DYNC2H1: variants seen among roughly 807,000 people sequenced by gnomAD.
DYNC2H1 encodes the protein cytoplasmic dynein 2 heavy chain 1.
A neutral mutation model predicts 570.0 loss-of-function variants in DYNC2H1; 410 were observed. The observed-to-expected ratio is 0.72, with a 90% CI of 0.66 to 0.78. The LOEUF is 0.78. DYNC2H1 is among the 30% of genes least tolerant of loss of function. The pLI, the probability that DYNC2H1 is intolerant of heterozygous loss-of-function variation, is 0.00. For missense variants in DYNC2H1, 4,865 were observed against 5,046.4 expected, an observed-to-expected ratio of 0.96 and a Z score of 1.09; for synonymous variants, 1,688 against 1,677.6, an observed-to-expected ratio of 1.01 and a Z score of -0.15.
chr11:103,403,705 G>A (rs1000957411), intron 84 of DYNC2H1: 1 of 151,926 alleles, frequency 6.6e-6, no homozygotes, highest in Non-Finnish European at 1.5e-5. Context: ...GGACGTCTTC[G>A]GATGAGACTA....
In DYNC2H1 at chr11:103,228,359, T is replaced by A. The variant is rs1393888429; in HGVS notation, c.9354-2901T>A. ...TGGGATTCAAGTGCAGCTGATCAGA[T>A]TCTTTTGTCTCATGGGGCGCTCCCT... is the stretch of plus-strand genomic sequence containing the variant. On this transcript the variant is annotated intron_variant, in intron 59 of 88. Coordinates refer to ENST00000375735, the MANE Select transcript of DYNC2H1 (RefSeq NM_001377.3). The surrounding 1 kb of genome is among the most constrained non-coding windows in gnomAD (Gnocchi z 6.1). Among the ~76,000 whole-genome samples, 1 of 152,188 alleles carries A rather than the reference T, an allele frequency of 6.6e-6. No individual in the cohort carries two copies. The highest frequency in any genetic ancestry group is 1.5e-5 in the Non-Finnish European group (1 of 68,020).
At chr11:103,413,944 C>T (rs890676450) in intron 84 of DYNC2H1, among the ~76,000 whole-genome samples, 1 of 152,052 alleles carries the variant, frequency 6.6e-6, no homozygotes, top group Non-Finnish European at 1.5e-5. Flanking sequence ...TGTCCTTTTT[C>T]ATTCATTTAG....
chr11:103,170,360 T>G lies in DYNC2H1; in HGVS notation c.5151+70T>G. 7.5e-7 allele frequency: 1 copy of G among 1,335,870 alleles called. No homozygotes were observed. Among genetic ancestry groups the G allele is most frequent in the African/African-American group, 1.5e-5 (1 of 66,386 alleles). 82.8% of individuals were successfully genotyped at this position (1,335,870 alleles called of 1,614,324 possible). A position where few individuals can be genotyped will look rare whatever the true frequency, so the allele number is the denominator to read the frequency against. On this transcript the variant is annotated intron_variant, in intron 33 of 88. Coordinates refer to ENST00000375735, the MANE Select transcript of DYNC2H1 (RefSeq NM_001377.3). This position sits in a 1 kb window ranked among gnomAD's most constrained non-coding sequence, Gnocchi z 4.8. ...ATTTAGATTAGTTTCTATTAGTATA[T>G]GAAATACTCTACTTAAAAATCACTA... is the stretch of plus-strand genomic sequence containing the variant.
chr11:103,248,160 T>C (rs1434684102), intron 65 of DYNC2H1, among the ~76,000 whole-genome samples: 3 of 152,064 alleles, frequency 2.0e-5, no homozygotes, highest in Non-Finnish European at 4.4e-5. Flanking sequence ...GGATATCTCC[T>C]TGTGAAATGT....
intron 84 of DYNC2H1, among the ~76,000 whole-genome samples, chr11:103,423,408 T>TAAAAAAAAAAA (rs60223334): frequency 8.3e-6 from 1 of 120,426 alleles, no homozygotes; most frequent in Non-Finnish European, 1.9e-5. Flanking sequence ...GCCAAAAAAG[T>TAAAAAAAAAAA]AAAAAAAAAA....
rs777515420 is a variant in DYNC2H1, at chr11:103,186,192, TCA to T, written c.6634-44_6634-43del. 10 of 1,538,386 alleles carry T rather than the reference TCA, an allele frequency of 6.5e-6. No individual in the cohort carries two copies. The Admixed American group carries it at 1.2e-4, about 18-fold the overall frequency. On this transcript the variant is annotated intron_variant, in intron 41 of 88. Transcript: ENST00000375735. The surrounding 1 kb of genome is among the most constrained non-coding windows in gnomAD (Gnocchi z 4.5). ...ATTTACTTGGAAGAATTTTAAAATG[TCA>T]CACACTCTGGAGTATGTGAAAACTT...
chr11:103,211,124 G>A (rs1268763519), intron 53 of DYNC2H1, among the ~76,000 whole-genome samples: 1 of 152,000 alleles, frequency 6.6e-6, no homozygotes, highest in Non-Finnish European at 1.5e-5. Context: ...AATGGACTTG[G>A]TGGATATTAG....
intron 87 of DYNC2H1, among the ~76,000 whole-genome samples, chr11:103,456,746 T>C (rs1230804750): frequency 1.3e-5 from 2 of 152,178 alleles, no homozygotes; most frequent in African/African-American, 2.4e-5. Context: ...CTGAACCTTT[T>C]TGATTGCCAA....
At chr11:103,230,343 C>T (rs1315773667) in intron 59 of DYNC2H1, among the ~76,000 whole-genome samples, 1 of 152,134 alleles carries the variant, frequency 6.6e-6, no homozygotes, top group East Asian at 1.9e-4. Context: ...GTAAGGCGAT[C>T]AAATATGGAC....
intron 83 of DYNC2H1, among the ~76,000 whole-genome samples, chr11:103,373,734 G>GT (rs901402026): frequency 9.2e-5 from 14 of 152,166 alleles, no homozygotes; most frequent in African/African-American, 3.1e-4. Flanking sequence ...TAGTCCAATG[G>GT]TTTTTTATTT....
chr11:103,116,072 C>T (rs1205487774), intron 4 of DYNC2H1, among the ~76,000 whole-genome samples: 1 of 152,058 alleles, frequency 6.6e-6, no homozygotes, highest in Non-Finnish European at 1.5e-5. Flanking sequence ...TAATTTTCTA[C>T]TCATTTCCAC....
rs562766410 is a variant in DYNC2H1, at chr11:103,311,769, G to A, written c.11494-109G>A. ...TAACATAATAATTTAACTCAAACCCGGTAAGCAGTGAAAAATTTTCTTTAA... is the reference window on the plus strand; with the variant it reads ...TAACATAATAATTTAACTCAAACCCAGTAAGCAGTGAAAAATTTTCTTTAA... On this transcript the variant is annotated intron_variant, in intron 78 of 88. Coordinates refer to ENST00000375735, the MANE Select transcript of DYNC2H1 (RefSeq NM_001377.3). 6 of 1,058,312 alleles carry A rather than the reference G, an allele frequency of 5.7e-6. No individual in the cohort carries two copies. The African/African-American group carries it at 6.6e-5, about 12-fold the overall frequency. The allele number at this position is 1,058,312 out of a possible 1,614,324, so 65.6% of individuals were successfully genotyped here.
Position 103,133,406 on chromosome 11 carries a change from T to A in DYNC2H1, c.1954-149T>A. 1 of 612,280 alleles carries A rather than the reference T, an allele frequency of 1.6e-6. No homozygotes were observed. The highest frequency in any genetic ancestry group is 2.7e-5 in the South Asian group (1 of 36,786). 37.9% of individuals were successfully genotyped at this position (612,280 alleles called of 1,614,324 possible). On this transcript the variant is annotated intron_variant, in intron 13 of 88. Coordinates refer to ENST00000375735, the MANE Select transcript of DYNC2H1 (RefSeq NM_001377.3). This position sits in a 1 kb window ranked among gnomAD's most constrained non-coding sequence, Gnocchi z 4.8. The stretch of plus-strand genomic sequence containing the variant: ...ATGGGCTACTCAATCTTTGCCAGAC[T>A]GCCTTATCATTTATAAAATGGAAAA...
intron 84 of DYNC2H1, among the ~76,000 whole-genome samples, chr11:103,430,949 C>T (rs982761100): frequency 2.6e-5 from 4 of 152,060 alleles, no homozygotes; most frequent in Non-Finnish European, 4.4e-5. Context: ...TTGTTGATTT[C>T]CCTTTCTATC....
chr11:103,155,145 G>T (rs1007078604), intron 24 of DYNC2H1, among the ~76,000 whole-genome samples, 186 bp from the exon 25 acceptor site: 1 of 151,734 alleles, frequency 6.6e-6, no homozygotes, highest in African/African-American at 2.4e-5. Flanking sequence ...GTGTGTCCAT[G>T]GCAACATTTA....
rs374238706 is a variant in DYNC2H1 at position 103,283,102 on chromosome 11, A to T, written c.10890+17A>T. ...ACATTAAAGGTATTCCTTTTCTACTATGAGACATGTTTTAATTTCTTCTGT... is the reference window on the plus strand; with the variant it reads ...ACATTAAAGGTATTCCTTTTCTACTTTGAGACATGTTTTAATTTCTTCTGT... On this transcript the variant is annotated intron_variant, in intron 73 of 88. Coordinates refer to ENST00000375735, the MANE Select transcript of DYNC2H1 (RefSeq NM_001377.3). 48 of 1,583,684 alleles carry T rather than the reference A, an allele frequency of 3.0e-5. No homozygotes were observed. Among genetic ancestry groups the T allele is most frequent in the Non-Finnish European group, 4.0e-5 (46 of 1,157,334 alleles).
At chr11:103,455,811 C>A (rs1324100827) in intron 86 of DYNC2H1, among the ~76,000 whole-genome samples, 3 of 152,034 alleles carry the variant, frequency 2.0e-5, no homozygotes, top group Non-Finnish European at 4.4e-5. Context: ...TCTTACCACA[C>A]TCAGATTATC....
At chr11:103,288,382 G>A (rs1866436253) in intron 75 of DYNC2H1, among the ~76,000 whole-genome samples, 1 of 152,034 alleles carries the variant, frequency 6.6e-6, no homozygotes, top group Non-Finnish European at 1.5e-5. Context: ...TAACCTATAA[G>A]CTATCCTTGT....
intron 12 of DYNC2H1, among the ~76,000 whole-genome samples, chr11:103,127,065 A>G (rs1859039499): frequency 6.6e-6 from 1 of 152,210 alleles, no homozygotes; most frequent in Non-Finnish European, 1.5e-5. Flanking sequence ...TTTCCTAGGT[A>G]GGGATAGAAG....
Sources: allele counts gnomAD v4.1 joint callset (sites outside exome capture counted in the v4.1 genomes callset), GRCh38; gene constraint gnomAD v4.1.1; non-coding constraint Gnocchi (gnomAD v3.1); transcripts MANE v1.5; gene names NCBI Gene and HGNC (gene_info 2026-07-23, HGNC 2026-07-21).